The following ABCC1 variants were observed in gnomAD, a reference collection of about 807,000 sequenced individuals.
The protein encoded by ABCC1 is ATP binding cassette subfamily C member 1 (ABCC1 blood group).
ABCC1 carries 83 observed loss-of-function variants against 172.9 expected under a neutral mutation model. That is an observed-to-expected ratio of 0.48 (90% CI 0.40 to 0.58). The LOEUF (loss-of-function observed/expected upper bound fraction) is 0.58. Ranked by LOEUF, ABCC1 falls within the 20% of genes least tolerant of loss-of-function variation. ABCC1 has a pLI of 0.00. For missense variants in ABCC1, 1,817 were observed against 2,002.7 expected (o/e 0.91, Z 1.77); for synonymous variants, 937 against 825.2 (o/e 1.14, Z -2.32).
At chr16:16,044,388 CCTGTGGTAGGGGG>C in intron 7 of ABCC1, 49 bp from the exon 8 acceptor site, 1 of 1,428,738 alleles carries the variant, frequency 7.0e-7, no homozygotes, top group Non-Finnish European at 9.8e-7. Context: ...TGGCCATGTC[CCTGTGGTAGGGGG>C]CTGCATCTCT....
chr16:16,044,951 G>A (rs1395763859), intron 8 of ABCC1, among the ~76,000 whole-genome samples: 1 of 152,076 alleles, frequency 6.6e-6, no homozygotes, highest in African/African-American at 2.4e-5. Context: ...TCACTGCCTA[G>A]CTTTACTTTA....
At chr16:16,125,563 G>A (rs990001242) in intron 25 of ABCC1, among the ~76,000 whole-genome samples, 1 of 151,824 alleles carries the variant, frequency 6.6e-6, no homozygotes, top group African/African-American at 2.4e-5. Context: ...CAAATAGCTG[G>A]GTTTACAGGT....
intron 19 of ABCC1, among the ~76,000 whole-genome samples, chr16:16,100,376 C>T (rs1007995136): frequency 2.6e-5 from 4 of 152,010 alleles, no homozygotes; most frequent in Non-Finnish European, 4.4e-5. Context: ...GGGGGGCTCT[C>T]TGCGGCATGC....
At chr16:16,109,938 C>T (rs540746927) in intron 21 of ABCC1, among the ~76,000 whole-genome samples, 3 of 152,220 alleles carry the variant, frequency 2.0e-5, no homozygotes, top group Admixed American at 6.5e-5. Flanking sequence ...GGTCTGACTG[C>T]GACCGGTTTT....
intron 27 of ABCC1, 56 bp downstream of exon 27, chr16:16,131,991 T>C: frequency 7.6e-6 from 12 of 1,583,770 alleles, no homozygotes; most frequent in Non-Finnish European, 9.5e-6. Context: ...CAGGGTGCCA[T>C]CGGGCAGGTG....
At chr16:16,092,559 C>T (rs2051298569) in intron 19 of ABCC1, among the ~76,000 whole-genome samples, 1 of 152,222 alleles carries the variant, frequency 6.6e-6, no homozygotes, top group Admixed American at 6.5e-5. Context: ...GCTTCATTTC[C>T]TTTTATTGCG....
intron 23 of ABCC1, 64 bp from the exon 24 acceptor site, chr16:16,121,911 C>A: frequency 6.4e-7 from 1 of 1,565,772 alleles, no homozygotes; most frequent in Non-Finnish European, 8.8e-7. Context: ...CCAGCACAGC[C>A]CTGCCCTGGG....
intron 5 of ABCC1, among the ~76,000 whole-genome samples, chr16:16,019,695 G>T (rs1448633748): frequency 6.6e-6 from 1 of 152,184 alleles, no homozygotes; most frequent in Admixed American, 6.5e-5. Context: ...GTGACTCACA[G>T]ATCTGACTTG....
chr16:16,031,222 C>T (rs370947508), intron 5 of ABCC1, among the ~76,000 whole-genome samples: 104 of 152,280 alleles, frequency 6.8e-4, no homozygotes, highest in African/African-American at 2.4e-3. Flanking sequence ...GCCACCTTAT[C>T]GGGCTCTGTA....
At chr16:15,959,595 G>A (rs2046083509) in intron 1 of ABCC1, among the ~76,000 whole-genome samples, 1 of 152,178 alleles carries the variant, frequency 6.6e-6, no homozygotes, top group Non-Finnish European at 1.5e-5. Flanking sequence ...CAAAGTGCTG[G>A]GATTACAGGC....
At chr16:16,028,309 C>T (rs774633262) in intron 5 of ABCC1, among the ~76,000 whole-genome samples, 5 of 152,130 alleles carry the variant, frequency 3.3e-5, no homozygotes, top group African/African-American at 4.8e-5. Context: ...TCCATCTTCC[C>T]CAGGGCAGGA....
chr16:16,016,455 C>T (rs1411691039), intron 4 of ABCC1, 41 bp from the exon 5 acceptor site: 1 of 1,611,476 alleles, frequency 6.2e-7, no homozygotes, highest in Non-Finnish European at 8.5e-7. Context: ...CACCCAGCCC[C>T]AGAATGTGAT....
chr16:16,067,793 C>T (rs1008316415), intron 12 of ABCC1, among the ~76,000 whole-genome samples: 2 of 152,050 alleles, frequency 1.3e-5, no homozygotes, highest in Non-Finnish European at 2.9e-5. Context: ...GTCAGGTGGC[C>T]CCCTGGATGG....
intron 27 of ABCC1, among the ~76,000 whole-genome samples, chr16:16,132,505 TGGTTG>T (rs767412048): frequency 2.6e-5 from 3 of 114,794 alleles, no homozygotes; most frequent in Non-Finnish European, 5.5e-5. Context: ...GTTTTTTGGT[TGGTTG>T]TTTTTTTTTT....
intron 12 of ABCC1, among the ~76,000 whole-genome samples, chr16:16,061,868 G>A (rs570708423): frequency 6.8e-6 from 1 of 147,444 alleles, no homozygotes; most frequent in African/African-American, 2.5e-5. Context: ...CTGCCTCCCA[G>A]GCTCAAGTAA....
chr16:15,984,838 C>T (rs2046708671), intron 1 of ABCC1, among the ~76,000 whole-genome samples: 1 of 152,158 alleles, frequency 6.6e-6, no homozygotes, highest in African/African-American at 2.4e-5. Context: ...CAGTGTGGGT[C>T]ACACCTGTAA....
At chr16:16,115,128 C>T (rs1465001796) in intron 23 of ABCC1, 52 bp downstream of exon 23, 12 of 1,546,444 alleles carry the variant, frequency 7.8e-6, no homozygotes, top group Non-Finnish European at 8.8e-6. Flanking sequence ...GCATTATATA[C>T]CAGTGTTACC....
Position 16,121,961 on chromosome 16 carries a change from G to T in ABCC1, c.3391-14G>T. 6.2e-7 allele frequency: 1 copy of T among 1,614,178 alleles called. No individual in the cohort carries two copies. Among genetic ancestry groups the T allele is most frequent in the Non-Finnish European group, 8.5e-7 (1 of 1,180,024 alleles). ...GAACCTTCATCAACTCCCCGCGTCT[G>T]TTCTCTACCCCAGAGGTTCTACGTG... On this transcript the variant is annotated splice_polypyrimidine_tract_variant and intron_variant, in intron 23 of 30. Coordinates refer to ENST00000399410, the MANE Select transcript of ABCC1 (RefSeq NM_004996.4).
At chr16:16,113,358 GTTAAAA>G (rs1204914049) in intron 22 of ABCC1, among the ~76,000 whole-genome samples, 4 of 152,182 alleles carry the variant, frequency 2.6e-5, no homozygotes, top group Non-Finnish European at 5.9e-5. Context: ...AATTTCAGCT[GTTAAAA>G]TTAAATAAAC....
Sources: gnomAD v4.1 joint callset for allele counts (sites outside exome capture counted in the v4.1 genomes callset) on GRCh38, gnomAD v4.1.1 for gene constraint, MANE v1.5 for transcripts, NCBI Gene and HGNC (gene_info 2026-07-23, HGNC 2026-07-21) for gene names.